The following BASP1 variants were observed in gnomAD, a reference collection of about 807,000 sequenced individuals.
The protein encoded by BASP1 is brain acid soluble protein 1.
In BASP1, 1 loss-of-function variant was observed where a neutral mutation model predicts 2.2. The observed-to-expected ratio is 0.46, with a 90% confidence interval of 0.16 to 2.17. The LOEUF is 2.17. Among genes scored for constraint, BASP1 ranks in the 30% most tolerant of loss-of-function variants. The pLI, the probability that BASP1 is intolerant of heterozygous loss-of-function variation, is 0.27. For missense variants in BASP1, 352 were observed against 327.2 expected, an observed-to-expected ratio of 1.08 and a Z score of -0.58; for synonymous variants, 187 against 154.2, an observed-to-expected ratio of 1.21 and a Z score of -1.58.
chr5:17,217,560 G>A (rs1404713850), upstream of BASP1: 1 of 145,344 alleles, frequency 6.9e-6, no homozygotes, highest in Non-Finnish European at 1.5e-5. Flanking sequence ...CGCGGGGGGA[G>A]GGCACTGGGC....
Position 17,275,306 on chromosome 5 carries a change from G to A in BASP1, c.90G>A (p.Ala30=), listed in dbSNP as rs766697078. ...KEKDKKAEGA[A]TEEEGTPKES... Reference sequence around the variant, plus strand: ...AAGACAAGAAGGCCGAGGGCGCGGCGACGGAAGAGGAGGGGACCCCGAAGG... The same window carrying A: ...AAGACAAGAAGGCCGAGGGCGCGGCAACGGAAGAGGAGGGGACCCCGAAGG... The change falls in exon 2 of 2, where the codon GCG becomes GCA. Residue 30 remains alanine, a synonymous_variant. Transcript: ENST00000322611. This position sits in a 1 kb window ranked among gnomAD's most constrained non-coding sequence, Gnocchi z 5.3. 14 of 1,611,926 alleles carry A rather than the reference G, an allele frequency of 8.7e-6. No individual in the cohort carries two copies. Among genetic ancestry groups the A allele is most frequent in the African/African-American group, 6.7e-5 (5 of 74,244 alleles).
intron 1 of BASP1, among the ~76,000 whole-genome samples, chr5:17,273,487 T>A (rs1740570100): frequency 6.6e-6 from 1 of 152,200 alleles, no homozygotes; most frequent in South Asian, 2.1e-4. Flanking sequence ...AATTTCAGTT[T>A]ATTGCTTTTC....
At position 17,254,109 on chromosome 5, in the gene BASP1, T is replaced by G. The variant is rs1428470995; in HGVS notation, c.-9-21099T>G. Among the ~76,000 whole-genome samples, 6 of 152,266 alleles carry G rather than the reference T, an allele frequency of 3.9e-5. No individual in the cohort carries two copies. The East Asian group carries it at 1.2e-3, about 29-fold the overall frequency. ...AAGGGAAAAAATATATATATATTTTTTCTCAGAGAACAAACCAGGAAAACT... is the reference window on the plus strand; with the variant it reads ...AAGGGAAAAAATATATATATATTTTGTCTCAGAGAACAAACCAGGAAAACT... On this transcript the variant is annotated intron_variant, in intron 1 of 1. Transcript: ENST00000322611.
chr5:17,224,137 T>C (rs541890012), intron 1 of BASP1, among the ~76,000 whole-genome samples: 2 of 152,356 alleles, frequency 1.3e-5, no homozygotes, highest in Admixed American at 6.5e-5. Context: ...TTCAGACATT[T>C]ACTTCAGGGA....
At chr5:17,242,192 C>T (rs1438460097) in intron 1 of BASP1, among the ~76,000 whole-genome samples, 1 of 152,150 alleles carries the variant, frequency 6.6e-6, no homozygotes, top group Non-Finnish European at 1.5e-5. Context: ...TGTGTAACTC[C>T]TGTTTTCATT....
intron 1 of BASP1, among the ~76,000 whole-genome samples, chr5:17,240,345 GC>G (rs1561168848): frequency 6.6e-6 from 1 of 151,988 alleles, no homozygotes; most frequent in Non-Finnish European, 1.5e-5. Flanking sequence ...AACCAGCCTG[GC>G]CAACATGGTG....
chr5:17,219,423 A>G (rs1033957038), intron 1 of BASP1, among the ~76,000 whole-genome samples: 17 of 152,198 alleles, frequency 1.1e-4, no homozygotes, highest in Non-Finnish European at 1.8e-4. Flanking sequence ...GCTGATTTCA[A>G]TTGACCAAAA....
intron 1 of BASP1, among the ~76,000 whole-genome samples, chr5:17,244,398 A>G (rs1464905331): frequency 1.3e-5 from 2 of 152,226 alleles, no homozygotes; most frequent in Non-Finnish European, 2.9e-5. Flanking sequence ...AGATTCCTTA[A>G]GGATCCCTAA....
At position 17,276,185 on chromosome 5, in the gene BASP1, C is replaced by T. The variant is rs886918978; in HGVS notation, c.*285C>T. The T allele has an allele frequency of 7.3e-6, 2 of 275,338 alleles. No homozygotes were observed. Among genetic ancestry groups the T allele is most frequent in the Admixed American group, 5.4e-5 (1 of 18,376 alleles). 17.1% of individuals were successfully genotyped at this position (275,338 alleles called of 1,614,324 possible). A position where few individuals can be genotyped will look rare whatever the true frequency, so the allele number is the denominator to read the frequency against. ...CCTTCAGTCAACTTTACCAAGAAGT[C>T]CTGGATTTCCAAGATCCGCGTCTGA... On this transcript the variant is annotated 3_prime_UTR_variant, in exon 2 of 2. Transcript: ENST00000322611.
chr5:17,259,927 G>C (rs902819944), intron 1 of BASP1, among the ~76,000 whole-genome samples: 4 of 152,200 alleles, frequency 2.6e-5, no homozygotes, highest in Non-Finnish European at 5.9e-5. Flanking sequence ...TTCTAAATTA[G>C]TTGTGGTGAT....
chr5:17,248,157 G>A (rs546911167), intron 1 of BASP1, among the ~76,000 whole-genome samples: 1 of 152,258 alleles, frequency 6.6e-6, no homozygotes, highest in East Asian at 1.9e-4. Context: ...CAGTCACATT[G>A]TCAGAATTCT....
intron 1 of BASP1, among the ~76,000 whole-genome samples, chr5:17,249,938 A>AT (rs1163031659): frequency 1.3e-5 from 2 of 150,786 alleles, no homozygotes; most frequent in African/African-American, 2.4e-5. Context: ...ATTGATTTTA[A>AT]TTTTTTTTTC....
chr5:17,245,402 C>T lies in BASP1; in HGVS notation c.-10+27592C>T, dbSNP rs547694372. ...ATATTTAAAATTATTTTTGCTTTCT[C>T]CCATTTTGAAGATGGAGTTTTATGT... On this transcript the variant is annotated intron_variant, in intron 1 of 1. Transcript: ENST00000322611. 2.6e-4 allele frequency among the ~76,000 whole-genome samples: 40 copies of T among 151,280 alleles called. No individual in the cohort carries two copies. In the South Asian group the frequency reaches 8.2e-3, roughly 31 times the overall value.
chr5:17,266,159 G>T (rs1241418353), intron 1 of BASP1, among the ~76,000 whole-genome samples: 2 of 152,190 alleles, frequency 1.3e-5, no homozygotes, highest in Non-Finnish European at 2.9e-5. Flanking sequence ...TACAGTGCGG[G>T]ATATTTTCAC....
rs146351088 is a variant in BASP1, at chr5:17,275,857, C to T, written c.641C>T (p.Ala214Val). 5.1e-3 allele frequency: 8,107 copies of T among 1,602,966 alleles called. 37 individuals carry two copies. Among genetic ancestry groups the T allele is most frequent in the Non-Finnish European group, 5.7e-3 (6,725 of 1,175,574 alleles). Residue 214 changes from alanine to valine, a missense_variant, in exon 2 of 2, where the codon GCC (alanine) becomes GTC (valine). By Grantham distance (64) the Ala-to-Val change is moderately conservative (BLOSUM62 0). Coordinates refer to ENST00000322611, the MANE Select transcript of BASP1 (RefSeq NM_006317.5). The surrounding 1 kb of genome is among the most constrained non-coding windows in gnomAD (Gnocchi z 5.3). Reference sequence around the variant, plus strand: ...GCAGAAGAGCCCAAGCCGGTGGAGGCCCCGGCAGCTAATTCCGACCAAACC... The same window carrying T: ...GCAGAAGAGCCCAAGCCGGTGGAGGTCCCGGCAGCTAATTCCGACCAAACC... ...ASAEEPKPVE[A>V]PAANSDQTVT...
chr5:17,272,071 G>GAAA (rs778258451), intron 1 of BASP1, among the ~76,000 whole-genome samples: 1 of 60,224 alleles, frequency 1.7e-5, no homozygotes, highest in Admixed American at 1.9e-4. Flanking sequence ...TGCATTTCAA[G>GAAA]AAAAAAAAAA....
intron 1 of BASP1, among the ~76,000 whole-genome samples, chr5:17,230,367 C>T (rs972028740): frequency 1.1e-4 from 16 of 151,780 alleles, no homozygotes; most frequent in African/African-American, 2.2e-4. Context: ...AGTGGGACAC[C>T]GAGGAAAGGG....
intron 1 of BASP1, among the ~76,000 whole-genome samples, chr5:17,264,822 A>G (rs1222766676): frequency 6.6e-6 from 1 of 152,192 alleles, no homozygotes; most frequent in Non-Finnish European, 1.5e-5. Flanking sequence ...TCTAGATGAA[A>G]TGGTTAATAA....
At chr5:17,254,742 T>G (rs984344665) in intron 1 of BASP1, among the ~76,000 whole-genome samples, 1 of 152,214 alleles carries the variant, frequency 6.6e-6, no homozygotes. Context: ...AAATTTAGTA[T>G]GTACCATGCT....
Sources: allele counts gnomAD v4.1 joint callset (sites outside exome capture counted in the v4.1 genomes callset), GRCh38; gene constraint gnomAD v4.1.1; non-coding constraint Gnocchi (gnomAD v3.1); transcripts MANE v1.5; gene names NCBI Gene and HGNC (gene_info 2026-07-23, HGNC 2026-07-21).